Variants in CTIF observed in about 807,000 individuals in gnomAD.
CTIF encodes cap binding complex dependent translation initiation factor, also known as CBP80/20-dependent translation initiation factor.
In CTIF, 21 loss-of-function variants were observed where a neutral mutation model predicts 66.0. The observed-to-expected ratio is 0.32, with a 90% confidence interval of 0.23 to 0.46. CTIF has a LOEUF of 0.46. Among genes scored for constraint, CTIF ranks in the 20% least tolerant of loss-of-function variants. The probability of loss-of-function intolerance (pLI) is 1.00; values close to 1 mark genes in which losing one functional copy is unlikely to be tolerated. For missense variants in CTIF, 739 were observed against 812.7 expected (o/e 0.91, Z 1.10); for synonymous variants, 345 against 326.4 (o/e 1.06, Z -0.62).
intron 1 of CTIF, among the ~76,000 whole-genome samples, chr18:48,586,870 A>G (rs945379539): frequency 1.3e-5 from 2 of 152,080 alleles, no homozygotes; most frequent in African/African-American, 2.4e-5. Context: ...ACTCCTACAC[A>G]GTGTCTTTGG....
At chr18:48,653,641 G>T (rs1298139842) in intron 3 of CTIF, among the ~76,000 whole-genome samples, 1 of 152,064 alleles carries the variant, frequency 6.6e-6, no homozygotes, top group Non-Finnish European at 1.5e-5. Flanking sequence ...AGTTCATATG[G>T]AACCAAAAAA....
At chr18:48,609,041 A>G (rs914729912) in intron 1 of CTIF, among the ~76,000 whole-genome samples, 3 of 152,236 alleles carry the variant, frequency 2.0e-5, no homozygotes, top group African/African-American at 4.8e-5. Flanking sequence ...TTCTTGGCCA[A>G]TAAACCCAGA....
At chr18:48,836,495 A>C (rs764382896) in intron 10 of CTIF, among the ~76,000 whole-genome samples, 1 of 151,718 alleles carries the variant, frequency 6.6e-6, no homozygotes, top group Non-Finnish European at 1.5e-5. Context: ...TCACACCTCA[A>C]CTCCAAAGGC....
chr18:48,853,806 G>A (rs2069262790), intron 10 of CTIF, among the ~76,000 whole-genome samples: 1 of 152,312 alleles, frequency 6.6e-6, no homozygotes. Context: ...GTGGATGGAT[G>A]CAACGTGACA....
chr18:48,793,047 C>T lies in CTIF; in HGVS notation c.1372-24174C>T, dbSNP rs1369877286. On this transcript the variant is annotated intron_variant, in intron 9 of 11. Transcript: ENST00000256413. ...GGTACAAAGGCCACTTGGTGTAGAG[C>T]AGAAGCTGTGTCTCCAGTTGTCTAG... is the stretch of plus-strand genomic sequence containing the variant. Among the ~76,000 whole-genome samples the T allele has an allele frequency of 2.0e-5, 3 of 152,300 alleles. 1 individual carries two copies. The highest frequency in any genetic ancestry group is 1.9e-4 in the East Asian group (1 of 5,182).
intron 7 of CTIF, among the ~76,000 whole-genome samples, chr18:48,731,225 C>G (rs1254850294): frequency 1.3e-5 from 2 of 152,126 alleles, no homozygotes. Flanking sequence ...CCTCCTGCAG[C>G]ACCTTCTCTC....
chr18:48,770,440 G>A (rs1264490833), intron 9 of CTIF, among the ~76,000 whole-genome samples: 1 of 152,294 alleles, frequency 6.6e-6, no homozygotes, highest in African/African-American at 2.4e-5. Context: ...CTCATGGGCA[G>A]TCTACTGCAG....
intron 6 of CTIF, among the ~76,000 whole-genome samples, chr18:48,701,528 C>T (rs951669573): frequency 5.7e-4 from 36 of 63,446 alleles, no homozygotes; most frequent in African/African-American, 1.1e-3. Flanking sequence ...CCAGTGCCTC[C>T]GTCCCCCAGC....
At chr18:48,684,244 TCTA>T (rs1289915333) in intron 6 of CTIF, among the ~76,000 whole-genome samples, 1 of 152,176 alleles carries the variant, frequency 6.6e-6, no homozygotes, top group East Asian at 1.9e-4. Context: ...ACTTGAACCA[TCTA>T]CTCATTTTTT....
chr18:48,693,813 T>G (rs112647394), intron 6 of CTIF, among the ~76,000 whole-genome samples: 6 of 152,244 alleles, frequency 3.9e-5, no homozygotes, highest in African/African-American at 1.2e-4. Flanking sequence ...GTAGCTGTTT[T>G]TGCCATACAG....
chr18:48,801,210 G>A (rs1484063147), intron 9 of CTIF, among the ~76,000 whole-genome samples: 1 of 152,224 alleles, frequency 6.6e-6, no homozygotes, highest in African/African-American at 2.4e-5. Flanking sequence ...AGAGCCCGGT[G>A]CAAACAGCTG....
intron 3 of CTIF, among the ~76,000 whole-genome samples, chr18:48,656,066 G>A (rs917430863): frequency 3.9e-5 from 6 of 152,162 alleles, no homozygotes; most frequent in African/African-American, 9.7e-5. Flanking sequence ...CAGCCTCATC[G>A]CATACCCACT....
intron 6 of CTIF, among the ~76,000 whole-genome samples, chr18:48,677,436 C>A (rs1224101493): frequency 1.3e-5 from 2 of 152,208 alleles, no homozygotes; most frequent in Non-Finnish European, 2.9e-5. Context: ...CTCCTAATGT[C>A]CCCTTAGTGA....
intron 10 of CTIF, chr18:48,826,390 A>G (rs2068582995): frequency 6.6e-6 from 1 of 152,182 alleles, no homozygotes; most frequent in Non-Finnish European, 1.5e-5. Flanking sequence ...AAACTGCTCC[A>G]CTTGTATTTC....
intron 1 of CTIF, among the ~76,000 whole-genome samples, chr18:48,553,155 A>G (rs17828272): frequency 0.095 from 14,436 of 152,238 alleles, 829 homozygotes; most frequent in Middle Eastern, 0.17. Context: ...TGCACAAGGT[A>G]GAAATGATCC....
intron 9 of CTIF, among the ~76,000 whole-genome samples, chr18:48,774,622 C>T (rs1910494458): frequency 6.6e-6 from 1 of 152,126 alleles, no homozygotes; most frequent in South Asian, 2.1e-4. Context: ...GTCCCCCCTC[C>T]AGCACCCCCT....
intron 9 of CTIF, among the ~76,000 whole-genome samples, chr18:48,798,280 A>G (rs2067974059): frequency 6.6e-6 from 1 of 152,228 alleles, no homozygotes; most frequent in African/African-American, 2.4e-5. Flanking sequence ...TTAAAGATAC[A>G]GTTAGACTCC....
At chr18:48,582,758 G>C (rs73956928) in intron 1 of CTIF, among the ~76,000 whole-genome samples, 1 of 152,200 alleles carries the variant, frequency 6.6e-6, no homozygotes, top group African/African-American at 2.4e-5. Flanking sequence ...CCTCTAGTTC[G>C]TTTAGTCCTT....
intron 1 of CTIF, among the ~76,000 whole-genome samples, chr18:48,586,674 C>T (rs2089776372): frequency 6.6e-6 from 1 of 152,200 alleles, no homozygotes; most frequent in African/African-American, 2.4e-5. Flanking sequence ...CTGTTGCTTC[C>T]TTTATAAATT....
Sources: allele counts gnomAD v4.1 joint callset (sites outside exome capture counted in the v4.1 genomes callset), GRCh38; gene constraint gnomAD v4.1.1; transcripts MANE v1.5; gene names NCBI Gene and HGNC (gene_info 2026-07-23, HGNC 2026-07-21).